The following DPP10 variants were observed in gnomAD, a reference collection of about 807,000 sequenced individuals.
DPP10 encodes the protein inactive dipeptidyl peptidase 10.
DPP10 carries 33 observed loss-of-function variants against 120.9 expected under a neutral mutation model. The ratio of observed to expected loss-of-function variants is 0.27; its 90% CI spans 0.21 to 0.37. The LOEUF (loss-of-function observed/expected upper bound fraction) is 0.37. Ranked by LOEUF, DPP10 falls within the 10% of genes least tolerant of loss-of-function variation. The probability of loss-of-function intolerance (pLI) is 1.00; values close to 1 mark genes in which losing one functional copy is unlikely to be tolerated. For missense variants in DPP10, 816 were observed against 942.8 expected (o/e 0.87, Z 1.76); for synonymous variants, 337 against 326.1 (o/e 1.03, Z -0.36).
intron 19 of DPP10, among the ~76,000 whole-genome samples, chr2:115,813,792 A>T (rs1184341007): frequency 6.6e-6 from 1 of 152,196 alleles, no homozygotes; most frequent in Non-Finnish European, 1.5e-5. Flanking sequence ...TGGGGCTTCT[A>T]GATAAACATT....
intron 1 of DPP10, among the ~76,000 whole-genome samples, chr2:114,810,463 T>A (rs1160712369): frequency 1.3e-5 from 2 of 152,212 alleles, no homozygotes; most frequent in African/African-American, 4.8e-5. Context: ...TCAGCATTTT[T>A]AATAAATAAG....
intron 7 of DPP10, among the ~76,000 whole-genome samples, chr2:115,692,906 A>G (rs1001120011): frequency 2.0e-5 from 3 of 152,320 alleles, no homozygotes; most frequent in Middle Eastern, 3.4e-3. Context: ...AGAAGCCTAC[A>G]GAATAATACA....
intron 3 of DPP10, among the ~76,000 whole-genome samples, chr2:115,375,154 A>G (rs774071827): frequency 4.6e-4 from 70 of 152,290 alleles, no homozygotes; most frequent in Non-Finnish European, 7.6e-4. Flanking sequence ...CTAATTTCAG[A>G]CCATCTCTCA....
At chr2:114,557,381 A>G (rs1319374934) in intron 1 of DPP10, among the ~76,000 whole-genome samples, 1 of 152,196 alleles carries the variant, frequency 6.6e-6, no homozygotes, top group Non-Finnish European at 1.5e-5. Context: ...GAAACAAAGC[A>G]TTTAATAAAA....
At chr2:115,814,503 A>G (rs1687007391) in intron 19 of DPP10, among the ~76,000 whole-genome samples, 1 of 152,056 alleles carries the variant, frequency 6.6e-6, no homozygotes, top group Non-Finnish European at 1.5e-5. Context: ...AGTATCATCC[A>G]TTTTCTTCAT....
At chr2:114,666,632 CAG>C (rs1327426465) in intron 1 of DPP10, among the ~76,000 whole-genome samples, 5 of 152,278 alleles carry the variant, frequency 3.3e-5, no homozygotes, top group African/African-American at 7.2e-5. Context: ...AAGACTGAGA[CAG>C]AGAGACATAG....
intron 1 of DPP10, among the ~76,000 whole-genome samples, chr2:114,940,681 T>G (rs781108615): frequency 3.9e-5 from 6 of 152,080 alleles, no homozygotes; most frequent in Non-Finnish European, 7.4e-5. Flanking sequence ...GTTGAGAGAA[T>G]ATCACTTAGG....
intron 1 of DPP10, among the ~76,000 whole-genome samples, chr2:114,671,926 C>T (rs868536552): frequency 6.6e-5 from 10 of 152,024 alleles, no homozygotes; most frequent in Middle Eastern, 3.4e-3. Context: ...TTCTCACATT[C>T]TACTGTTGTT....
At chr2:114,797,084 C>G (rs1487940233) in intron 1 of DPP10, among the ~76,000 whole-genome samples, 2 of 152,146 alleles carry the variant, frequency 1.3e-5, no homozygotes, top group African/African-American at 2.4e-5. Context: ...TATGACCTCA[C>G]CATGCCCACA....
At chr2:114,572,581 G>A (rs967109935) in intron 1 of DPP10, among the ~76,000 whole-genome samples, 3 of 152,238 alleles carry the variant, frequency 2.0e-5, no homozygotes, top group East Asian at 1.9e-4. Flanking sequence ...TCCAGCTCCC[G>A]TGACATGTGC....
At chr2:115,350,958 G>A (rs954398688) in intron 3 of DPP10, among the ~76,000 whole-genome samples, 1 of 152,084 alleles carries the variant, frequency 6.6e-6, no homozygotes, top group Non-Finnish European at 1.5e-5. Flanking sequence ...ATGGAAGGCA[G>A]TTTGAAGATT....
chr2:114,515,632 C>T (rs879787224), intron 1 of DPP10, among the ~76,000 whole-genome samples: 8 of 152,218 alleles, frequency 5.3e-5, no homozygotes, highest in Admixed American at 5.2e-4. Context: ...TATTTAGTTA[C>T]CACTTGGAGC....
At chr2:115,189,149 G>A (rs548534362) in intron 1 of DPP10, among the ~76,000 whole-genome samples, 8 of 152,178 alleles carry the variant, frequency 5.3e-5, no homozygotes, top group Non-Finnish European at 1.0e-4. Flanking sequence ...CTTGCAGATG[G>A]AACAATGGCA....
intron 5 of DPP10, among the ~76,000 whole-genome samples, chr2:115,646,235 T>G (rs2087244742): frequency 6.6e-6 from 1 of 152,162 alleles, no homozygotes. Context: ...TACCTGGCAG[T>G]GATGGAGATC....
At chr2:114,970,177 G>T (rs183957002) in intron 1 of DPP10, among the ~76,000 whole-genome samples, 75 of 152,200 alleles carry the variant, frequency 4.9e-4, no homozygotes, top group African/African-American at 1.7e-3. Flanking sequence ...CAACATAATT[G>T]CAGGCTTAGT....
At chr2:115,683,061 T>G (rs1408224041) in intron 5 of DPP10, among the ~76,000 whole-genome samples, 1 of 151,916 alleles carries the variant, frequency 6.6e-6, no homozygotes, top group Non-Finnish European at 1.5e-5. Context: ...TGCTTTTTAA[T>G]TAGCAAGTTT....
At chr2:115,090,759 CT>C (rs1168755051) in intron 1 of DPP10, among the ~76,000 whole-genome samples, 1 of 151,658 alleles carries the variant, frequency 6.6e-6, no homozygotes, top group Non-Finnish European at 1.5e-5. Flanking sequence ...TGGAAAGTTT[CT>C]GTGTTGGGGA....
chr2:114,942,045 G>A (rs370576247), intron 1 of DPP10, among the ~76,000 whole-genome samples: 4 of 151,618 alleles, frequency 2.6e-5, no homozygotes, highest in African/African-American at 7.3e-5. Context: ...AGGCTGAGGC[G>A]GTCAGATCAT....
rs575145906 is a variant in DPP10, at chr2:115,555,721, A to G, written c.441+29749A>G. ...TTGGTGTGGCATATTTGGTCCCTTC[A>G]TATGATTATGTTCCTTTTTTCTATC... On this transcript the variant is annotated intron_variant, in intron 5 of 25. Coordinates refer to ENST00000410059, the MANE Select transcript of DPP10 (RefSeq NM_020868.6). Among the ~76,000 whole-genome samples the G allele has an allele frequency of 1.6e-4, 24 of 152,244 alleles. 1 individual carries two copies. The highest frequency in any genetic ancestry group is 1.2e-3 in the Admixed American group (19 of 15,276).
Sources: gnomAD v4.1 joint callset for allele counts (sites outside exome capture counted in the v4.1 genomes callset) on GRCh38, gnomAD v4.1.1 for gene constraint, MANE v1.5 for transcripts, NCBI Gene and HGNC (gene_info 2026-07-23, HGNC 2026-07-21) for gene names.